The following CAPRIN2 variants were observed in gnomAD, a reference collection of about 807,000 sequenced individuals.
CAPRIN2 encodes the protein caprin family member 2, also known as caprin-2.
CAPRIN2 carries 66 observed loss-of-function variants against 130.4 expected under a neutral mutation model. That is an observed-to-expected ratio of 0.51 (90% CI 0.42 to 0.62). The LOEUF is 0.62. Among genes scored for constraint, CAPRIN2 ranks in the 20% least tolerant of loss-of-function variants. CAPRIN2 has a pLI of 0.00. For synonymous variants in CAPRIN2, 471 were observed against 444.1 expected, an observed-to-expected ratio of 1.06 and a Z score of -0.76; for missense variants, 1,185 against 1,246.6, an observed-to-expected ratio of 0.95 and a Z score of 0.74.
Position 30,753,451 on chromosome 12 carries a change from G to A in CAPRIN2, c.313C>T (p.Gln105Ter). ...GATGCAGCAGAACTCAGAGTAGACT[G>A]CAGGGGGCTCAAGGCCCGCTGGCTT... The change falls in exon 1 of 17, where the codon CAG becomes TAG. Residue 105 changes from glutamine (Q) to a stop codon, truncating the protein, a stop_gained. Transcript: ENST00000298892. LOFTEE classifies it high-confidence loss of function. 6.2e-7 allele frequency: 1 copy of A among 1,614,156 alleles called. No homozygotes were observed. The highest frequency in any genetic ancestry group is 8.5e-7 in the Non-Finnish European group (1 of 1,180,032).
At chr12:30,716,232 C>G (rs1354857008) in intron 13 of CAPRIN2, 3 of 325,646 alleles carry the variant, frequency 9.2e-6, no homozygotes, top group Non-Finnish European at 1.7e-5. Flanking sequence ...CAATCACTGT[C>G]TGTGGTAATC....
At chr12:30,726,424 A>AT (rs67458150) in intron 8 of CAPRIN2, among the ~76,000 whole-genome samples, 20 of 151,500 alleles carry the variant, frequency 1.3e-4, no homozygotes, top group African/African-American at 4.1e-4. Flanking sequence ...CATACCAATG[A>AT]TTTTTTTTTC....
chr12:30,713,094 CTG>C (rs1239925147), intron 15 of CAPRIN2, among the ~76,000 whole-genome samples: 1 of 152,176 alleles, frequency 6.6e-6, no homozygotes, highest in Admixed American at 6.5e-5. Context: ...CCCTATGTAA[CTG>C]TAAGTTCTTC....
chr12:30,718,999 T>C, intron 12 of CAPRIN2, 80 bp downstream of exon 14: 1 of 1,468,190 alleles, frequency 6.8e-7, no homozygotes, highest in Non-Finnish European at 9.2e-7. Flanking sequence ...TTTCACATAG[T>C]ATCCAATAAT....
chr12:30,751,200 C>T, intron 1 of CAPRIN2, 67 bp from the exon 3 acceptor site: 1 of 1,243,440 alleles, frequency 8.0e-7, no homozygotes, highest in Non-Finnish European at 1.2e-6. Flanking sequence ...AAGTAAATGC[C>T]AGATCTTGTC....
rs2053966321 is a variant in CAPRIN2, at chr12:30,710,537, T to C, written c.2666-67A>G. The C allele has an allele frequency of 1.3e-6, 2 of 1,596,020 alleles. No homozygotes were observed. Among genetic ancestry groups the C allele is most frequent in the East Asian group, 2.2e-5 (1 of 44,660 alleles). ...TAGCTTTGAACACAATATTTAACAT[T>C]AGTCGGCTACTGAAACAGACAAAGA... On this transcript the variant is annotated intron_variant, in intron 16 of 16. Transcript: ENST00000298892. The surrounding 1 kb of genome is among the most constrained non-coding windows in gnomAD (Gnocchi z 4.8).
At chr12:30,740,571 C>T (rs1450547544) in intron 3 of CAPRIN2, among the ~76,000 whole-genome samples, 1 of 152,112 alleles carries the variant, frequency 6.6e-6, no homozygotes, top group African/African-American at 2.4e-5. Context: ...TAACATGAGT[C>T]ATTAATTTTC....
At chr12:30,730,162 G>A in intron 7 of CAPRIN2, 77 bp downstream of exon 8, 1 of 1,222,336 alleles carries the variant, frequency 8.2e-7, no homozygotes, top group East Asian at 2.3e-5. Context: ...TCTGGCTCCA[G>A]AGCCTTAGCT....
intron 2 of CAPRIN2, among the ~76,000 whole-genome samples, chr12:30,747,691 GA>G (rs1466817469): frequency 6.6e-6 from 1 of 150,650 alleles, no homozygotes; most frequent in Admixed American, 6.6e-5. Context: ...AAAAAAAAAA[GA>G]AAAGAAACAC....
Position 30,715,235 on chromosome 12 carries a change from T to G in CAPRIN2, c.2318-94A>C, listed in dbSNP as rs181569925. The G allele has an allele frequency of 3.0e-6, 3 of 1,012,190 alleles. No homozygotes were observed. In the East Asian group the frequency reaches 7.5e-5, roughly 25 times the overall value. 62.7% of individuals were successfully genotyped at this position (1,012,190 alleles called of 1,614,324 possible). On this transcript the variant is annotated intron_variant, in intron 13 of 16. Coordinates refer to ENST00000298892, the Ensembl canonical transcript of CAPRIN2. ...ATATATCAAAATCATTAATACAATT[T>G]GCTGCCTTTAAAAATAAATAGGAGA...
chr12:30,750,190 A>G (rs1285057506), intron 2 of CAPRIN2, among the ~76,000 whole-genome samples: 2 of 152,228 alleles, frequency 1.3e-5, no homozygotes, highest in African/African-American at 4.8e-5. Context: ...CAGCAAAATT[A>G]TAACTTACTA....
exon 5 of CAPRIN2, chr12:30,733,659 C>A: frequency 6.2e-7 from 1 of 1,613,458 alleles, no homozygotes. Flanking sequence ...TTCTCACTAC[C>A]TTCCAAAAGG....
intron 11 of CAPRIN2, among the ~76,000 whole-genome samples, chr12:30,721,547 C>G (rs1448375528): frequency 6.6e-6 from 1 of 152,118 alleles, no homozygotes; most frequent in Non-Finnish European, 1.5e-5. Context: ...CTGTAACCAA[C>G]AGAAAATTAA....
chr12:30,737,017 GT>G (rs1565656870), intron 3 of CAPRIN2, among the ~76,000 whole-genome samples: 2 of 152,076 alleles, frequency 1.3e-5, no homozygotes, highest in Non-Finnish European at 2.9e-5. Flanking sequence ...TTTTTTGTTT[GT>G]TTTTGAGACA....
intron 12 of CAPRIN2, among the ~76,000 whole-genome samples, chr12:30,717,664 C>T (rs1026648747): frequency 6.6e-6 from 1 of 151,896 alleles, no homozygotes; most frequent in East Asian, 1.9e-4. Context: ...AAAAGTTAAT[C>T]TTCCTGCTAT....
chr12:30,752,977 A>G (rs1378117868), intron 1 of CAPRIN2, among the ~76,000 whole-genome samples: 1 of 152,250 alleles, frequency 6.6e-6, no homozygotes, highest in African/African-American at 2.4e-5. Flanking sequence ...TGCAGCAGTT[A>G]TACTGCAATA....
intron 16 of CAPRIN2, among the ~76,000 whole-genome samples, chr12:30,711,033 T>C (rs2054277168): frequency 6.6e-6 from 1 of 152,210 alleles, no homozygotes; most frequent in Admixed American, 6.5e-5. Flanking sequence ...GCAAATTGAA[T>C]ACTAGCTATT....
exon 1 of CAPRIN2, chr12:30,753,708 T>C (rs1412868833): frequency 5.6e-6 from 9 of 1,613,818 alleles, no homozygotes; most frequent in Non-Finnish European, 7.6e-6. Flanking sequence ...CCTTAAACTC[T>C]TTTCCACAGA....
chr12:30,753,389 T>A (rs776380399), exon 1 of CAPRIN2: 73 of 1,613,422 alleles, frequency 4.5e-5, no homozygotes, highest in African/African-American at 6.7e-5. Context: ...GGCATATGAG[T>A]CCATTTTCAA....
Sources: allele counts gnomAD v4.1 joint callset (sites outside exome capture counted in the v4.1 genomes callset), GRCh38; gene constraint gnomAD v4.1.1; non-coding constraint Gnocchi (gnomAD v3.1); transcripts MANE v1.5; gene names NCBI Gene and HGNC (gene_info 2026-07-23, HGNC 2026-07-21).